The following CLPTM1 variants were observed in gnomAD, a reference collection of about 807,000 sequenced individuals.
CLPTM1 encodes CLPTM1 regulator of GABA type A receptor forward trafficking.
Under a neutral mutation model 77.3 loss-of-function variants are expected in CLPTM1, and 21 were observed. That is an observed-to-expected ratio of 0.27 (90% CI 0.19 to 0.39). The LOEUF is 0.39. Ranked by LOEUF, CLPTM1 falls within the 10% of genes least tolerant of loss-of-function variation. The pLI is 1.00. For missense variants in CLPTM1, 642 were observed against 921.2 expected (o/e 0.70, Z 3.92); for synonymous variants, 373 against 381.0 (o/e 0.98, Z 0.24).
intron 2 of CLPTM1, among the ~76,000 whole-genome samples, chr19:44,964,279 C>G (rs948035273): frequency 3.7e-4 from 51 of 138,412 alleles, no homozygotes; most frequent in Admixed American, 1.6e-3. Flanking sequence ...ACCATTTTAA[C>G]CTATGTTTTC....
chr19:44,984,561 G>C (rs1970949166), intron 5 of CLPTM1: 1 of 152,492 alleles, frequency 6.6e-6, no homozygotes, highest in African/African-American at 2.4e-5. Flanking sequence ...AAGGCCCCGG[G>C]TTGGCATGTT....
Position 44,991,291 on chromosome 19 carries a change from C to G in CLPTM1, c.1473C>G (p.Ala491=). The G allele has an allele frequency of 6.2e-7, 1 of 1,614,074 alleles. No individual in the cohort carries two copies. The highest frequency in any genetic ancestry group is 8.5e-7 in the Non-Finnish European group (1 of 1,179,960). Reference sequence around the variant, plus strand: ...TCTTCCCGCTCCTGGGCTGCTATGCCGTCTACAGTCTTCTGTACCTGGAGC... The same window carrying G: ...TCTTCCCGCTCCTGGGCTGCTATGCGGTCTACAGTCTTCTGTACCTGGAGC... ...WILFPLLGCY[A]VYSLLYLEHK... Residue 491 remains alanine (A), a synonymous_variant, in exon 12 of 14, where the codon GCC becomes GCG. Transcript: ENST00000337392. This position sits in a 1 kb window ranked among gnomAD's most constrained non-coding sequence, Gnocchi z 5.4.
intron 5 of CLPTM1, among the ~76,000 whole-genome samples, chr19:44,978,374 C>T (rs1461230093): frequency 6.7e-6 from 1 of 149,864 alleles, no homozygotes; most frequent in Non-Finnish European, 1.5e-5. Context: ...CATTGCACTC[C>T]AGCCTGGTGA....
intron 2 of CLPTM1, among the ~76,000 whole-genome samples, chr19:44,967,423 C>T (rs1970650994): frequency 6.6e-6 from 1 of 151,940 alleles, no homozygotes; most frequent in Non-Finnish European, 1.5e-5. Flanking sequence ...CTTTGGGAGA[C>T]CAAGGTAGGT....
chr19:44,971,903 ACT>A (rs1468343384), intron 2 of CLPTM1, among the ~76,000 whole-genome samples: 1 of 99,182 alleles, frequency 1.0e-5, no homozygotes, highest in Non-Finnish European at 1.9e-5. Flanking sequence ...ATGGAGTCTC[ACT>A]CTGTTGCAAG....
rs11333249 is a variant in CLPTM1 at position 44,991,091 on chromosome 19, TC to T, written c.1420-144del. The T allele has an allele frequency of 1, 1,400,296 of 1,400,310 alleles. 700,141 individuals are homozygous for T. The highest frequency in any genetic ancestry group is 1 in the Middle Eastern group (4,828 of 4,828). The allele number at this position is 1,400,310 out of a possible 1,614,324, so 86.7% of individuals were successfully genotyped here. A position where few individuals can be genotyped will look rare whatever the true frequency, so the allele number is the denominator to read the frequency against. ...GTGTCCCCCATCTGCCATAACTGCT[TC>T]CCTGGGCGAGTCCGGAGTCCCCAGG... On this transcript the variant is annotated intron_variant, in intron 11 of 13. Transcript: ENST00000337392. The surrounding 1 kb of genome is among the most constrained non-coding windows in gnomAD (Gnocchi z 5.4).
At chr19:44,987,134 G>C in intron 7 of CLPTM1, 45 bp from the exon 8 acceptor site, 1 of 1,577,326 alleles carries the variant, frequency 6.3e-7, no homozygotes, top group Non-Finnish European at 8.6e-7. Context: ...GGGTACCCTG[G>C]CCTCCTGCCC....
chr19:44,991,775 C>T lies in CLPTM1; in HGVS notation c.1555+402C>T, dbSNP rs905516187. On this transcript the variant is annotated intron_variant, in intron 12 of 13. Transcript: ENST00000337392. The surrounding 1 kb of genome is among the most constrained non-coding windows in gnomAD (Gnocchi z 5.4). ...CAGAAATTATTGGGGAGTGGTGGTGCGTGCCTGTAGTCCCAGCTACCTGGG... is the reference window on the plus strand; with the variant it reads ...CAGAAATTATTGGGGAGTGGTGGTGTGTGCCTGTAGTCCCAGCTACCTGGG... Among the ~76,000 whole-genome samples the T allele has an allele frequency of 2.9e-4, 44 of 151,988 alleles. No individual in the cohort carries two copies. Among genetic ancestry groups the T allele is most frequent in the Non-Finnish European group, 1.0e-4 (7 of 67,988 alleles).
intron 5 of CLPTM1, chr19:44,984,290 T>G (rs555873732): frequency 6.6e-6 from 1 of 152,428 alleles, no homozygotes; most frequent in East Asian, 1.9e-4. Flanking sequence ...CCTACCCGCA[T>G]TTCCGCACAG....
Position 44,991,129 on chromosome 19 carries a change from A to G in CLPTM1, c.1420-109A>G. ...CCGGAGTCCCCAGGGCTACCTGGAAATTCCCCCTGCCCGGCCTGCCAGACC... is the reference window on the plus strand; with the variant it reads ...CCGGAGTCCCCAGGGCTACCTGGAAGTTCCCCCTGCCCGGCCTGCCAGACC... On this transcript the variant is annotated intron_variant, in intron 11 of 13. Transcript: ENST00000337392. This position sits in a 1 kb window ranked among gnomAD's most constrained non-coding sequence, Gnocchi z 5.4. 2 of 1,559,408 alleles carry G rather than the reference A, an allele frequency of 1.3e-6. No individual in the cohort carries two copies. The highest frequency in any genetic ancestry group is 2.3e-5 in the East Asian group (1 of 44,398).
intron 1 of CLPTM1, among the ~76,000 whole-genome samples, chr19:44,958,206 C>G (rs1264089932): frequency 6.6e-6 from 1 of 151,998 alleles, no homozygotes; most frequent in East Asian, 1.9e-4. Context: ...GGCAAAGGAG[C>G]AGCCAGTGCG....
In CLPTM1 at chr19:44,993,038, C is replaced by T. The variant is rs748251272; in HGVS notation, c.*141C>T. 1 of 1,074,140 alleles carries T rather than the reference C, an allele frequency of 9.3e-7. No individual in the cohort carries two copies. The highest frequency in any genetic ancestry group is 2.5e-5 in the East Asian group (1 of 39,700). 66.5% of individuals were successfully genotyped at this position (1,074,140 alleles called of 1,614,324 possible). Reference sequence around the variant, plus strand: ...AGGCCCGCCTCAGGTCAGGGCCCAGCGTGTGATGTAGGGGCCGGGGCAGGC... The same window carrying T: ...AGGCCCGCCTCAGGTCAGGGCCCAGTGTGTGATGTAGGGGCCGGGGCAGGC... On this transcript the variant is annotated 3_prime_UTR_variant, in exon 14 of 14. Coordinates refer to ENST00000337392, the MANE Select transcript of CLPTM1 (RefSeq NM_001294.4).
At chr19:44,961,935 T>C in intron 1 of CLPTM1, 28 bp from the exon 2 acceptor site, 1 of 1,514,500 alleles carries the variant, frequency 6.6e-7, no homozygotes, top group Non-Finnish European at 8.9e-7. Context: ...CCATTCTCCC[T>C]CCTTACCCTG....
chr19:44,987,741 T>A (rs1251305444), intron 8 of CLPTM1: 2 of 546,842 alleles, frequency 3.7e-6, no homozygotes, highest in East Asian at 6.3e-5. Flanking sequence ...CACTGGGTCC[T>A]GAAATGTCAG....
Position 44,992,097 on chromosome 19 carries a change from AGT to A in CLPTM1, c.1556-132_1556-131del, listed in dbSNP as rs1194397986. On this transcript the variant is annotated intron_variant, in intron 12 of 13. Transcript: ENST00000337392. This position sits in a 1 kb window ranked among gnomAD's most constrained non-coding sequence, Gnocchi z 7.7. Reference sequence around the variant, plus strand: ...CCACCAGTGCAGAGGCCGCTGGTAGAGTGTGCCCAGGTATAGGAAGTGGTAGA... The same window carrying A: ...CCACCAGTGCAGAGGCCGCTGGTAGAGTGCCCAGGTATAGGAAGTGGTAGA... 2 of 821,158 alleles carry A rather than the reference AGT, an allele frequency of 2.4e-6. No homozygotes were observed. The highest frequency in any genetic ancestry group is 4.9e-5 in the Admixed American group (2 of 40,612). 50.9% of individuals were successfully genotyped at this position (821,158 alleles called of 1,614,324 possible).
chr19:44,986,584 C>T lies in CLPTM1; in HGVS notation c.793+9C>T. The T allele has an allele frequency of 2.5e-6, 4 of 1,612,842 alleles. No homozygotes were observed. The highest frequency in any genetic ancestry group is 1.3e-5 in the African/African-American group (1 of 75,026). On this transcript the variant is annotated intron_variant, in intron 7 of 13. Coordinates refer to ENST00000337392, the MANE Select transcript of CLPTM1 (RefSeq NM_001294.4). ...CCCTCCCCTGGATCAATGTAAGCTC[C>T]CCAGCCCTGCCAGCTGCCTGCAGAG...
At chr19:44,969,627 A>T (rs1477857612) in intron 2 of CLPTM1, among the ~76,000 whole-genome samples, 1 of 148,914 alleles carries the variant, frequency 6.7e-6, no homozygotes, top group East Asian at 2.0e-4. Context: ...TCACATCCAC[A>T]CTCCAGGCAA....
Position 44,991,118 on chromosome 19 carries a change from G to A in CLPTM1, c.1420-120G>A. 6.5e-7 allele frequency: 1 copy of A among 1,530,092 alleles called. No homozygotes were observed. Among genetic ancestry groups the A allele is most frequent in the Non-Finnish European group, 8.9e-7 (1 of 1,124,212 alleles). 94.8% of individuals were successfully genotyped at this position (1,530,092 alleles called of 1,614,324 possible). On this transcript the variant is annotated intron_variant, in intron 11 of 13. Coordinates refer to ENST00000337392, the MANE Select transcript of CLPTM1 (RefSeq NM_001294.4). This position sits in a 1 kb window ranked among gnomAD's most constrained non-coding sequence, Gnocchi z 5.4. Reference sequence around the variant, plus strand: ...CCTGGGCGAGTCCGGAGTCCCCAGGGCTACCTGGAAATTCCCCCTGCCCGG... The same window carrying A: ...CCTGGGCGAGTCCGGAGTCCCCAGGACTACCTGGAAATTCCCCCTGCCCGG...
At chr19:44,959,777 C>A (rs1395240205) in intron 1 of CLPTM1, among the ~76,000 whole-genome samples, 1 of 152,210 alleles carries the variant, frequency 6.6e-6, no homozygotes, top group African/African-American at 2.4e-5. Flanking sequence ...CTTTTACTTT[C>A]CCCCCTAGCA....
Sources: gnomAD v4.1 joint callset for allele counts (sites outside exome capture counted in the v4.1 genomes callset) on GRCh38, gnomAD v4.1.1 for gene constraint, Gnocchi (gnomAD v3.1) non-coding constraint, MANE v1.5 for transcripts, NCBI Gene and HGNC (gene_info 2026-07-23, HGNC 2026-07-21) for gene names.